The following ALDH5A1 variants were observed in gnomAD, a reference collection of about 807,000 sequenced individuals.
The protein encoded by ALDH5A1 is aldehyde dehydrogenase 5 family member A1.
Under a neutral mutation model 54.7 loss-of-function variants are expected in ALDH5A1, and 33 were observed. The ratio of observed to expected loss-of-function variants is 0.60; its 90% CI spans 0.46 to 0.81. The LOEUF (loss-of-function observed/expected upper bound fraction) is 0.81. ALDH5A1 is among the 30% of genes least tolerant of loss of function. The probability of loss-of-function intolerance (pLI) is 0.00; values close to 1 mark genes in which losing one functional copy is unlikely to be tolerated. For synonymous variants in ALDH5A1, 294 were observed against 292.7 expected (o/e 1.00, Z -0.05); for missense variants, 657 against 711.0 (o/e 0.92, Z 0.86).
chr6:24,495,368 C>G lies in ALDH5A1; in HGVS notation c.354+18C>G. ...CCGCCAAGGTGAGAGAGCCCGGATG[C>G]AGGGGGCCAGAGCTGGCCGGGGACA... is the stretch of plus-strand genomic sequence containing the variant. On this transcript the variant is annotated intron_variant, in intron 1 of 9. Coordinates refer to ENST00000357578, the MANE Select transcript of ALDH5A1 (RefSeq NM_001080.3). 6.5e-7 allele frequency: 1 copy of G among 1,531,172 alleles called. No individual in the cohort carries two copies. The highest frequency in any genetic ancestry group is 1.2e-5 in the South Asian group (1 of 83,858). 94.8% of individuals were successfully genotyped at this position (1,531,172 alleles called of 1,614,324 possible).
In ALDH5A1 at chr6:24,518,438, G is replaced by A. The variant is rs1275313344; in HGVS notation, c.871-1963G>A. Reference sequence around the variant, plus strand: ...GGACACAGAGCCAGTGCAGGTGGAGGGACAGACACCAGAGACAGGACCTGT... The same window carrying A: ...GGACACAGAGCCAGTGCAGGTGGAGAGACAGACACCAGAGACAGGACCTGT... On this transcript the variant is annotated intron_variant, in intron 5 of 9. Coordinates refer to ENST00000357578, the MANE Select transcript of ALDH5A1 (RefSeq NM_001080.3). The surrounding 1 kb of genome is among the most constrained non-coding windows in gnomAD (Gnocchi z 4.2). Among the ~76,000 whole-genome samples, 2 of 152,136 alleles carry A rather than the reference G, an allele frequency of 1.3e-5. No individual in the cohort carries two copies. Among genetic ancestry groups the A allele is most frequent in the African/African-American group, 2.4e-5 (1 of 41,426 alleles).
intron 8 of ALDH5A1, among the ~76,000 whole-genome samples, chr6:24,529,463 G>C (rs1312488669): frequency 6.6e-6 from 1 of 151,572 alleles, no homozygotes; most frequent in Non-Finnish European, 1.5e-5. Flanking sequence ...CACCACGCCC[G>C]GCCTCTTTAT....
chr6:24,511,124 T>C (rs1258293386), intron 4 of ALDH5A1, among the ~76,000 whole-genome samples: 3 of 152,188 alleles, frequency 2.0e-5, no homozygotes, highest in Non-Finnish European at 2.9e-5. Context: ...GATAATTGCT[T>C]TGTTTGAGGA....
rs569739631 is a variant in ALDH5A1, at chr6:24,534,082, C to T, written c.*370C>T. 3.3e-5 allele frequency: 9 copies of T among 273,608 alleles called. No individual in the cohort carries two copies. The highest frequency in any genetic ancestry group is 9.1e-5 in the East Asian group (1 of 11,000). 16.9% of individuals were successfully genotyped at this position (273,608 alleles called of 1,614,324 possible). On this transcript the variant is annotated 3_prime_UTR_variant, in exon 10 of 10. Coordinates refer to ENST00000357578, the MANE Select transcript of ALDH5A1 (RefSeq NM_001080.3). The stretch of plus-strand genomic sequence containing the variant: ...GCAGTGGCACAACCATCCCCCATGT[C>T]GCTACAGAACATGGGCCCAGAGCAC...
Position 24,537,026 on chromosome 6 carries a change from A to G in ALDH5A1, c.*3314A>G, listed in dbSNP as rs980493082. 6 of 152,648 alleles carry G rather than the reference A, an allele frequency of 3.9e-5. No homozygotes were observed. The highest frequency in any genetic ancestry group is 5.9e-5 in the Non-Finnish European group (4 of 68,048). The allele number at this position is 152,648 out of a possible 1,614,324, so 9.5% of individuals were successfully genotyped here. A position where few individuals can be genotyped will look rare whatever the true frequency, so the allele number is the denominator to read the frequency against. ...ATAATATGTATGTTGTCATTGTTTC[A>G]TGCTATACTTTGTGGGATAAAACTT... is the stretch of plus-strand genomic sequence containing the variant. On this transcript the variant is annotated 3_prime_UTR_variant, in exon 10 of 10. Transcript: ENST00000357578.
In ALDH5A1 at chr6:24,522,501, G is replaced by GTGTGTGTGTA. The variant is rs1554137632; in HGVS notation, c.1015-263_1015-262insGTGTGTATGT. The GTGTGTGTGTA allele has an allele frequency of 8.1e-3, 2,933 of 361,950 alleles. 84 individuals are homozygous for GTGTGTGTGTA. Among genetic ancestry groups the GTGTGTGTGTA allele is most frequent in the South Asian group, 0.025 (940 of 37,948 alleles). 22.4% of individuals were successfully genotyped at this position (361,950 alleles called of 1,614,324 possible). A position where few individuals can be genotyped will look rare whatever the true frequency, so the allele number is the denominator to read the frequency against. The stretch of plus-strand genomic sequence containing the variant: ...TTCGTGTGTGTGTGTGTGTGTGTGT[G>GTGTGTGTGTA]TGTACAGGTGCTTATTGCCAACTAA... On this transcript the variant is annotated intron_variant, in intron 6 of 9. Coordinates refer to ENST00000357578, the MANE Select transcript of ALDH5A1 (RefSeq NM_001080.3).
chr6:24,512,739 G>A (rs753242462), intron 4 of ALDH5A1, among the ~76,000 whole-genome samples: 3 of 152,150 alleles, frequency 2.0e-5, no homozygotes, highest in Admixed American at 2.0e-4. Context: ...GCCCAGGCTG[G>A]AGTGAAATGA....
At chr6:24,504,290 A>G (rs1253529590) in intron 3 of ALDH5A1, among the ~76,000 whole-genome samples, 1 of 152,256 alleles carries the variant, frequency 6.6e-6, no homozygotes, top group Non-Finnish European at 1.5e-5. Flanking sequence ...TAAGTACTAT[A>G]TAATAGAGTT....
intron 5 of ALDH5A1, among the ~76,000 whole-genome samples, chr6:24,516,057 G>GT (rs993552726): frequency 3.3e-5 from 5 of 151,970 alleles, no homozygotes; most frequent in South Asian, 4.2e-4. Context: ...TTTTCTTTGA[G>GT]TTTTTTTTCC....
intron 1 of ALDH5A1, among the ~76,000 whole-genome samples, chr6:24,498,990 C>T (rs1198004912): frequency 6.6e-6 from 1 of 151,584 alleles, no homozygotes; most frequent in East Asian, 1.9e-4. Context: ...ATCCCAGCTA[C>T]TCAGGAGGCT....
chr6:24,526,953 AATATATATATATGTGTGTGTG>A (rs1759817129), intron 7 of ALDH5A1, among the ~76,000 whole-genome samples: 1 of 106,036 alleles, frequency 9.4e-6, no homozygotes, highest in African/African-American at 5.3e-5. Context: ...ATATATATCT[AATATATATATATGTGTGTGTG>A]TATATATATA....
intron 8 of ALDH5A1, among the ~76,000 whole-genome samples, 153 bp downstream of exon 8, chr6:24,528,319 T>C (rs907047174): frequency 1.3e-5 from 2 of 152,148 alleles, no homozygotes; most frequent in East Asian, 1.9e-4. Context: ...TATGGGTTTT[T>C]AAAAAAATCA....
At chr6:24,517,480 G>A (rs1010542040) in intron 5 of ALDH5A1, among the ~76,000 whole-genome samples, 4 of 152,190 alleles carry the variant, frequency 2.6e-5, no homozygotes, top group South Asian at 2.1e-4. Context: ...AAACTTATCC[G>A]CAGAAAGATT....
At position 24,525,754 on chromosome 6, in the gene ALDH5A1, G is replaced by A. The variant is rs184729252; in HGVS notation, c.1174-2243G>A. Among the ~76,000 whole-genome samples, 1,283 of 152,200 alleles carry A rather than the reference G, an allele frequency of 8.4e-3. 10 individuals carry two copies. The highest frequency in any genetic ancestry group is 0.02 in the Middle Eastern group (6 of 294). On this transcript the variant is annotated intron_variant, in intron 7 of 9. Coordinates refer to ENST00000357578, the MANE Select transcript of ALDH5A1 (RefSeq NM_001080.3). ...GGTCTACCCAGGGGAACCCTGCAGA[G>A]GAAATTGGTGCCATTTTAAACGACA...
chr6:24,524,208 C>T (rs1759759495), intron 7 of ALDH5A1, among the ~76,000 whole-genome samples: 1 of 152,150 alleles, frequency 6.6e-6, no homozygotes. Context: ...TGCTCTCGAA[C>T]TCCTGACCTC....
intron 7 of ALDH5A1, among the ~76,000 whole-genome samples, chr6:24,523,281 T>A (rs1453456703): frequency 6.6e-6 from 1 of 151,894 alleles, no homozygotes. Flanking sequence ...TTTTCAATGA[T>A]GTTTTCATAC....
intron 4 of ALDH5A1, among the ~76,000 whole-genome samples, chr6:24,512,868 T>A (rs953877101): frequency 1.7e-4 from 26 of 152,198 alleles, no homozygotes; most frequent in African/African-American, 5.8e-4. Flanking sequence ...TTTTGCATTT[T>A]TAGTAGAGAC....
At chr6:24,516,476 AT>A (rs1296639726) in intron 5 of ALDH5A1, among the ~76,000 whole-genome samples, 1 of 150,670 alleles carries the variant, frequency 6.6e-6, no homozygotes, top group Admixed American at 6.6e-5. Flanking sequence ...ATTAAAAAAA[AT>A]AAATAATAAA....
chr6:24,512,079 G>A (rs1438798992), intron 4 of ALDH5A1, among the ~76,000 whole-genome samples: 1 of 152,178 alleles, frequency 6.6e-6, no homozygotes, highest in African/African-American at 2.4e-5. Flanking sequence ...TGAGAGCCGA[G>A]CTGTAGTGAT....
Sources: gnomAD v4.1 joint callset for allele counts (sites outside exome capture counted in the v4.1 genomes callset) on GRCh38, gnomAD v4.1.1 for gene constraint, Gnocchi (gnomAD v3.1) non-coding constraint, MANE v1.5 for transcripts, NCBI Gene and HGNC (gene_info 2026-07-23, HGNC 2026-07-21) for gene names.